The following RAPGEF6 variants were observed in gnomAD, a reference collection of about 807,000 sequenced individuals.
The protein encoded by RAPGEF6 is Rap guanine nucleotide exchange factor 6.
RAPGEF6 carries 56 observed loss-of-function variants against 171.4 expected under a neutral mutation model. The observed-to-expected ratio is 0.33, with a 90% CI of 0.26 to 0.41. The LOEUF is 0.41. RAPGEF6 is among the 10% of genes least tolerant of loss of function. The pLI, the probability that RAPGEF6 is intolerant of heterozygous loss-of-function variation, is 1.00. For missense variants in RAPGEF6, 1,674 were observed against 1,921.4 expected (o/e 0.87, Z 2.41); for synonymous variants, 692 against 650.1 (o/e 1.06, Z -0.98).
At chr5:131,495,233 C>G (rs538684787) in intron 13 of RAPGEF6, among the ~76,000 whole-genome samples, 2 of 151,038 alleles carry the variant, frequency 1.3e-5, no homozygotes, top group Admixed American at 1.3e-4. Flanking sequence ...AAGCGGAGGT[C>G]GCAGTGAGCC....
intron 22 of RAPGEF6, among the ~76,000 whole-genome samples, chr5:131,444,605 A>G (rs1165427796): frequency 6.6e-6 from 1 of 152,236 alleles, no homozygotes; most frequent in Non-Finnish European, 1.5e-5. Context: ...AGGAACATGC[A>G]TTTAACTAAA....
At chr5:131,571,765 A>G (rs184039092) in intron 4 of RAPGEF6, among the ~76,000 whole-genome samples, 2 of 152,348 alleles carry the variant, frequency 1.3e-5, no homozygotes, top group East Asian at 3.9e-4. Context: ...ACAAATAACC[A>G]AAACAATTTT....
intron 4 of RAPGEF6, among the ~76,000 whole-genome samples, chr5:131,571,144 G>A (rs573210888): frequency 2.0e-5 from 3 of 151,990 alleles, no homozygotes; most frequent in Non-Finnish European, 2.9e-5. Context: ...ATTTCACCAC[G>A]TTGGCCAGGT....
At chr5:131,594,224 G>A (rs762913522) in intron 3 of RAPGEF6, among the ~76,000 whole-genome samples, 5 of 152,222 alleles carry the variant, frequency 3.3e-5, no homozygotes, top group Admixed American at 6.5e-5. Flanking sequence ...TCATGATAGT[G>A]AGCTCTCACA....
chr5:131,588,040 T>C (rs1763363959), intron 4 of RAPGEF6, among the ~76,000 whole-genome samples: 1 of 151,854 alleles, frequency 6.6e-6, no homozygotes, highest in African/African-American at 2.4e-5. Flanking sequence ...AGGAATAAAA[T>C]GGGAGGCAGT....
intron 16 of RAPGEF6, 73 bp from the exon 17 acceptor site, chr5:131,472,817 G>T: frequency 7.7e-7 from 1 of 1,305,428 alleles, no homozygotes; most frequent in Non-Finnish European, 1.1e-6. Context: ...TGTTCCCTGT[G>T]CACTAAGGCA....
chr5:131,571,161 CA>C (rs1175390158), intron 4 of RAPGEF6, among the ~76,000 whole-genome samples: 1 of 152,016 alleles, frequency 6.6e-6, no homozygotes, highest in South Asian at 2.1e-4. Flanking sequence ...AGGTTGGTCT[CA>C]AACTCCCAAC....
At chr5:131,478,483 T>C (rs1190384551) in intron 16 of RAPGEF6, among the ~76,000 whole-genome samples, 2 of 152,196 alleles carry the variant, frequency 1.3e-5, no homozygotes, top group Non-Finnish European at 2.9e-5. Context: ...TAGCATAATA[T>C]TCAAGGTCCC....
At chr5:131,440,226 A>C (rs1752289691) in intron 23 of RAPGEF6, 1 of 456,302 alleles carries the variant, frequency 2.2e-6, no homozygotes, top group Non-Finnish European at 4.4e-6. Flanking sequence ...CACTAAATTC[A>C]CACTACAGGA....
At chr5:131,452,047 T>C (rs1463153890) in intron 21 of RAPGEF6, among the ~76,000 whole-genome samples, 2 of 152,184 alleles carry the variant, frequency 1.3e-5, no homozygotes, top group Non-Finnish European at 2.9e-5. Context: ...GGTGAAACCT[T>C]GTCTCTACTA....
intron 4 of RAPGEF6, among the ~76,000 whole-genome samples, chr5:131,567,018 C>T (rs551507168): frequency 3.3e-5 from 5 of 149,492 alleles, no homozygotes; most frequent in East Asian, 2.0e-4. Context: ...CACTTGAACC[C>T]GGGAAGTGGA....
chr5:131,507,177 AT>A (rs1433631023), intron 9 of RAPGEF6, among the ~76,000 whole-genome samples: 1 of 52,724 alleles, frequency 1.9e-5, no homozygotes, highest in Non-Finnish European at 4.3e-5. Context: ...AATATTATAT[AT>A]TATATATATA....
At chr5:131,479,845 T>C (rs1374565449) in intron 15 of RAPGEF6, 92 bp from the exon 16 acceptor site, 24 of 1,342,080 alleles carry the variant, frequency 1.8e-5, no homozygotes, top group Non-Finnish European at 2.2e-5. Flanking sequence ...ACAGTGACTT[T>C]CCATTATTTG....
In RAPGEF6 at chr5:131,634,947, G is replaced by C; in HGVS notation, c.69+15C>G. 6.2e-7 allele frequency: 1 copy of C among 1,614,116 alleles called. No individual in the cohort carries two copies. Among genetic ancestry groups the C allele is most frequent in the Non-Finnish European group, 8.5e-7 (1 of 1,179,952 alleles). On this transcript the variant is annotated intron_variant, in intron 1 of 27. Coordinates refer to ENST00000509018, the MANE Select transcript of RAPGEF6 (RefSeq NM_016340.6). ...ACTGGACTGTGAGACGCACATAAAG[G>C]TCAACCAGCCTCACCTCGGGAGTCC... is the stretch of plus-strand genomic sequence containing the variant.
chr5:131,533,177 C>T (rs948861931), intron 6 of RAPGEF6: 2 of 128,158 alleles, frequency 1.6e-5, no homozygotes, highest in African/African-American at 5.3e-5. Flanking sequence ...CATACACACA[C>T]ACACACACAC....
intron 1 of RAPGEF6, among the ~76,000 whole-genome samples, chr5:131,616,181 C>T (rs1485347560): frequency 3.3e-5 from 5 of 152,094 alleles, no homozygotes; most frequent in African/African-American, 4.8e-5. Flanking sequence ...CCCTCTCAGC[C>T]AGTAGTTTTT....
chr5:131,583,798 G>A (rs906201028), intron 4 of RAPGEF6, among the ~76,000 whole-genome samples: 3 of 152,138 alleles, frequency 2.0e-5, no homozygotes, highest in African/African-American at 7.2e-5. Flanking sequence ...ATCTCTTTAA[G>A]ATATTTTACA....
chr5:131,600,619 G>C (rs1764181370), intron 3 of RAPGEF6, among the ~76,000 whole-genome samples: 1 of 149,704 alleles, frequency 6.7e-6, no homozygotes, highest in Non-Finnish European at 1.5e-5. Flanking sequence ...GAGAAGAGGA[G>C]AGAAGAGGAG....
intron 24 of RAPGEF6, chr5:131,436,468 T>C: frequency 2.5e-6 from 3 of 1,198,142 alleles, no homozygotes; most frequent in Non-Finnish European, 3.4e-6. Flanking sequence ...AATTCTAACA[T>C]CTTGATAATA....
Sources: allele counts gnomAD v4.1 joint callset (sites outside exome capture counted in the v4.1 genomes callset), GRCh38; gene constraint gnomAD v4.1.1; transcripts MANE v1.5; gene names NCBI Gene and HGNC (gene_info 2026-07-23, HGNC 2026-07-21).